The following RELT variants were observed in gnomAD, a reference collection of about 807,000 sequenced individuals.
The protein encoded by RELT is tumor necrosis factor receptor superfamily member 19L.
RELT carries 37 observed loss-of-function variants against 51.1 expected under a neutral mutation model. That is an observed-to-expected ratio of 0.72 (90% confidence interval 0.56 to 0.95). The LOEUF is 0.95. RELT is among the 40% of genes least tolerant of loss of function. RELT has a pLI of 0.00. For missense variants in RELT, 535 were observed against 572.6 expected (o/e 0.93, Z 0.67); for synonymous variants, 241 against 235.7 (o/e 1.02, Z -0.21).
intron 1 of RELT, among the ~76,000 whole-genome samples, chr11:73,377,185 G>A (rs967050790): frequency 1.8e-4 from 28 of 152,184 alleles, no homozygotes; most frequent in Non-Finnish European, 3.5e-4. Flanking sequence ...CTGTGAGTGT[G>A]AAATAGAGGG....
intron 5 of RELT, among the ~76,000 whole-genome samples, chr11:73,391,682 G>A (rs1283002262): frequency 6.6e-6 from 1 of 152,200 alleles, no homozygotes; most frequent in Non-Finnish European, 1.5e-5. Context: ...GGGAGGCTGA[G>A]GCGGGAGGAT....
At chr11:73,382,311 A>G (rs1243972110) in intron 1 of RELT, among the ~76,000 whole-genome samples, 2 of 152,152 alleles carry the variant, frequency 1.3e-5, no homozygotes, top group Non-Finnish European at 2.9e-5. Context: ...GTCCCTCCCA[A>G]AGCCTCTGCC....
At position 73,395,135 on chromosome 11, in the gene RELT, T is replaced by C. The variant is rs757144421; in HGVS notation, c.1095T>C (p.Ser365=). The C allele has an allele frequency of 1.8e-5, 29 of 1,613,556 alleles. No homozygotes were observed. Among genetic ancestry groups the C allele is most frequent in the Non-Finnish European group, 2.5e-5 (29 of 1,180,022 alleles). ...AGCAGCGGACAAGTTCAATGGTGTC[T>C]GAGGTGAAGACCATCACGGAGGCTG... ...IPEQRTSSMV[S]EVKTITEAGP... Residue 365 remains serine, a synonymous_variant, in exon 10 of 11, where the codon TCT becomes TCC. Transcript: ENST00000064780.
At chr11:73,379,580 A>G (rs927346679) in intron 1 of RELT, among the ~76,000 whole-genome samples, 2 of 152,156 alleles carry the variant, frequency 1.3e-5, no homozygotes, top group Non-Finnish European at 2.9e-5. Flanking sequence ...GACTCCTAGA[A>G]CCTTCACCTT....
intron 1 of RELT, among the ~76,000 whole-genome samples, chr11:73,381,025 T>G (rs1032691546): frequency 1.3e-5 from 2 of 152,128 alleles, no homozygotes; most frequent in Admixed American, 6.5e-5. Flanking sequence ...ATCCTCAGCC[T>G]TATACTCCTG....
chr11:73,392,425 G>A lies in RELT; in HGVS notation c.582G>A (p.Thr194=), dbSNP rs763104866. The part of the protein sequence containing the change: ...NLLKRKGYHC[T]AHKEVGPGPG... ...TCAAGCGGAAGGGCTACCACTGCACGGCGCACAAGGAGGTCGGGCCCGGCC... is the reference window on the plus strand; with the variant it reads ...TCAAGCGGAAGGGCTACCACTGCACAGCGCACAAGGAGGTCGGGCCCGGCC... Residue 194 remains threonine (T), a synonymous_variant, in exon 6 of 11, where the codon ACG becomes ACA. Transcript: ENST00000064780. 100 of 1,613,580 alleles carry A rather than the reference G, an allele frequency of 6.2e-5. 1 individual carries two copies. The highest frequency in any genetic ancestry group is 3.3e-4 in the South Asian group (30 of 91,084).
chr11:73,385,224 G>T (rs933227339), intron 1 of RELT, among the ~76,000 whole-genome samples: 1 of 152,110 alleles, frequency 6.6e-6, no homozygotes, highest in East Asian at 1.9e-4. Flanking sequence ...GCCTAGGGGA[G>T]GGGGAGTGGC....
rs760286150 is a variant in RELT, at chr11:73,397,013, T to A, written c.*1522T>A. 14 of 152,214 alleles carry A rather than the reference T, an allele frequency of 9.2e-5. No homozygotes were observed. The highest frequency in any genetic ancestry group is 2.1e-4 in the Non-Finnish European group (14 of 68,046). 9.4% of individuals were successfully genotyped at this position (152,214 alleles called of 1,614,324 possible). A position where few individuals can be genotyped will look rare whatever the true frequency, so the allele number is the denominator to read the frequency against. ...GTATAAAAAGTGTGAATGAGCTGTT[T>A]TTGCTTTTGCTTTGAAATCTGGAGT... is the stretch of plus-strand genomic sequence containing the variant. On this transcript the variant is annotated 3_prime_UTR_variant, in exon 11 of 11. Transcript: ENST00000064780.
At chr11:73,391,021 C>T (rs1207696498) in intron 4 of RELT, 100 bp downstream of exon 4, 2 of 1,533,354 alleles carry the variant, frequency 1.3e-6, no homozygotes, top group South Asian at 1.1e-5. Flanking sequence ...CCTCATTCTT[C>T]CCATCTGTGA....
intron 1 of RELT, among the ~76,000 whole-genome samples, chr11:73,381,618 A>G (rs1467017070): frequency 1.3e-5 from 2 of 152,196 alleles, no homozygotes; most frequent in African/African-American, 2.4e-5. Context: ...GATTGTAAGA[A>G]GAGCCCCTGT....
At chr11:73,379,304 G>GC (rs772670404) in intron 1 of RELT, among the ~76,000 whole-genome samples, 23 of 152,324 alleles carry the variant, frequency 1.5e-4, no homozygotes, top group Non-Finnish European at 3.2e-4. Context: ...CTTAAAGGAG[G>GC]CCCCCAGCCT....
intron 1 of RELT, among the ~76,000 whole-genome samples, chr11:73,387,863 G>A (rs57049268): frequency 0.011 from 1,708 of 152,188 alleles, 23 homozygotes; most frequent in African/African-American, 0.038. Flanking sequence ...GGCCTCAGCC[G>A]CGGCGGCCCT....
At chr11:73,380,769 G>A (rs986229980) in intron 1 of RELT, among the ~76,000 whole-genome samples, 1 of 152,238 alleles carries the variant, frequency 6.6e-6, no homozygotes, top group Non-Finnish European at 1.5e-5. Context: ...GAGAGGACCA[G>A]AGAGGAAGGG....
At chr11:73,379,240 T>G (rs538885373) in intron 1 of RELT, among the ~76,000 whole-genome samples, 124 of 152,274 alleles carry the variant, frequency 8.1e-4, no homozygotes, top group African/African-American at 2.9e-3. Context: ...GGAAATAGCT[T>G]AGGGCCTGGG....
intron 1 of RELT, among the ~76,000 whole-genome samples, chr11:73,380,523 C>A (rs1213360572): frequency 6.6e-6 from 1 of 152,162 alleles, no homozygotes; most frequent in South Asian, 2.1e-4. Flanking sequence ...GGGGGAACCT[C>A]GACTCAGAGA....
Position 73,388,181 on chromosome 11 carries a change from C to A in RELT, c.-25-931C>A, listed in dbSNP as rs1203219974. 2.0e-5 allele frequency among the ~76,000 whole-genome samples: 3 copies of A among 152,230 alleles called. No homozygotes were observed. The highest frequency in any genetic ancestry group is 7.2e-5 in the African/African-American group (3 of 41,448). On this transcript the variant is annotated intron_variant, in intron 1 of 10. Coordinates refer to ENST00000064780, the MANE Select transcript of RELT (RefSeq NM_152222.2). The surrounding 1 kb of genome is among the most constrained non-coding windows in gnomAD (Gnocchi z 4.1). ...TCTCTGAAGTATCACACACTGCACT[C>A]CCACTCTGCTTTATTTCGTTTCTTG...
At chr11:73,389,356 G>A (rs1201295716) in intron 2 of RELT, among the ~76,000 whole-genome samples, 175 bp downstream of exon 2, 1 of 152,254 alleles carries the variant, frequency 6.6e-6, no homozygotes, top group African/African-American at 2.4e-5. Context: ...GCCCACCCAG[G>A]CTTGTCAGGG....
At chr11:73,392,109 T>A in intron 5 of RELT, 102 bp from the exon 6 acceptor site, 1 of 1,381,106 alleles carries the variant, frequency 7.2e-7, no homozygotes, top group Non-Finnish European at 9.9e-7. Flanking sequence ...CCTGGGCACA[T>A]TGGCTCTCCT....
intron 6 of RELT, chr11:73,393,609 C>T (rs1313941384): frequency 2.7e-6 from 4 of 1,495,418 alleles, no homozygotes; most frequent in Non-Finnish European, 3.6e-6. Context: ...AGCCTCTATG[C>T]ACCCGGGCTG....
Sources: gnomAD v4.1 joint callset for allele counts (sites outside exome capture counted in the v4.1 genomes callset) on GRCh38, gnomAD v4.1.1 for gene constraint, Gnocchi (gnomAD v3.1) non-coding constraint, MANE v1.5 for transcripts, NCBI Gene and HGNC (gene_info 2026-07-23, HGNC 2026-07-21) for gene names.